GALNT17: variants seen among roughly 807,000 people sequenced by gnomAD.
GALNT17 encodes the protein polypeptide N-acetylgalactosaminyltransferase 17.
In GALNT17, 29 loss-of-function variants were observed where a neutral mutation model predicts 63.7. That is an observed-to-expected ratio of 0.46 (90% CI 0.34 to 0.62). The LOEUF is 0.62. GALNT17 is among the 20% of genes least tolerant of loss of function. GALNT17 has a pLI of 0.01. For missense variants in GALNT17, 603 were observed against 799.6 expected, an observed-to-expected ratio of 0.75 and a Z score of 2.97; for synonymous variants, 305 against 318.3, an observed-to-expected ratio of 0.96 and a Z score of 0.45.
At chr7:71,476,266 G>C (rs370439081) in intron 5 of GALNT17, among the ~76,000 whole-genome samples, 2 of 152,360 alleles carry the variant, frequency 1.3e-5, no homozygotes, top group South Asian at 4.1e-4. Context: ...CAAGATGTTA[G>C]CAGTGGAAGA....
chr7:71,475,278 A>T (rs1462258104), intron 5 of GALNT17, among the ~76,000 whole-genome samples: 1 of 152,140 alleles, frequency 6.6e-6, no homozygotes, highest in African/African-American at 2.4e-5. Context: ...CTTTGTTTTT[A>T]TTATTATTAC....
rs371371505 is a variant in GALNT17, at chr7:71,482,079, A to ATGTGTGTGTGTGTGTG, written c.962+60975_962+60976insGTGTGTGTGTGTGTGT. Among the ~76,000 whole-genome samples, 94 of 136,878 alleles carry ATGTGTGTGTGTGTGTG rather than the reference A, an allele frequency of 6.9e-4. 2 individuals are homozygous for ATGTGTGTGTGTGTGTG. The South Asian group carries it at 0.017, about 25-fold the overall frequency. The allele number at this position is 136,878 out of a possible 152,430, so 89.8% of individuals were successfully genotyped here. A position where few individuals can be genotyped will look rare whatever the true frequency, so the allele number is the denominator to read the frequency against. Reference sequence around the variant, plus strand: ...TTGATGTATAGGTATACATATATGTATATGTGTGTGTGTGTGTGTGTGTGT... The same window carrying ATGTGTGTGTGTGTGTG: ...TTGATGTATAGGTATACATATATGTATGTGTGTGTGTGTGTGTATGTGTGTGTGTGTGTGTGTGTGT... On this transcript the variant is annotated intron_variant, in intron 5 of 10. Transcript: ENST00000333538.
intron 5 of GALNT17, among the ~76,000 whole-genome samples, chr7:71,458,473 C>T (rs988593842): frequency 6.6e-6 from 1 of 152,162 alleles, no homozygotes; most frequent in African/African-American, 2.4e-5. Context: ...TGCATTTATA[C>T]GTTTGTACTC....
intron 6 of GALNT17, among the ~76,000 whole-genome samples, chr7:71,644,509 C>A: frequency 9.6e-6 from 1 of 104,242 alleles, no homozygotes; most frequent in South Asian, 3.6e-4. Flanking sequence ...AGCCTGGCGA[C>A]AGAGCGAGAC....
chr7:71,676,654 A>G (rs1015737872), intron 8 of GALNT17, among the ~76,000 whole-genome samples: 3 of 152,128 alleles, frequency 2.0e-5, no homozygotes, highest in Non-Finnish European at 4.4e-5. Flanking sequence ...TGCTGGGATT[A>G]CAGGCGTGAG....
At chr7:71,299,005 T>C (rs10261998) in intron 1 of GALNT17, among the ~76,000 whole-genome samples, 31,433 of 152,042 alleles carry the variant, frequency 0.21, 3,382 homozygotes, top group East Asian at 0.33. Context: ...TCACCACCCT[T>C]GCAACTGACT....
Position 71,458,865 on chromosome 7 carries a change from G to C in GALNT17, c.962+37760G>C, listed in dbSNP as rs141296163. On this transcript the variant is annotated intron_variant, in intron 5 of 10. Transcript: ENST00000333538. ...TGTTCGTCTGCTCCGGGAGCTGGGG[G>C]TTCGGGGTTTATATGGGTACAGGGT... Among the ~76,000 whole-genome samples, 751 of 152,174 alleles carry C rather than the reference G, an allele frequency of 4.9e-3. 4 individuals are homozygous for C. Among genetic ancestry groups the C allele is most frequent in the African/African-American group, 0.015 (641 of 41,510 alleles).
chr7:71,288,299 C>T (rs962062572), intron 1 of GALNT17, among the ~76,000 whole-genome samples: 2 of 150,646 alleles, frequency 1.3e-5, no homozygotes, highest in African/African-American at 4.9e-5. Context: ...TCATAAAGGT[C>T]TTCATCCTCA....
intron 1 of GALNT17, among the ~76,000 whole-genome samples, chr7:71,184,009 G>C (rs996574435): frequency 6.6e-6 from 1 of 152,258 alleles, no homozygotes; most frequent in South Asian, 2.1e-4. Flanking sequence ...CTAACCTCCA[G>C]CACCTCCCTC....
rs537456959 is a variant in GALNT17, at chr7:71,179,850, C to G, written c.238+46810C>G. On this transcript the variant is annotated intron_variant, in intron 1 of 10. Transcript: ENST00000333538. ...AAGGATACTCCTGTCTACTTTCTGC[C>G]TGCTTTTCATCACTCTCTGGACCCT... 4.6e-5 allele frequency among the ~76,000 whole-genome samples: 7 copies of G among 152,308 alleles called. No individual in the cohort carries two copies. The East Asian group carries it at 1.2e-3, about 25-fold the overall frequency.
At chr7:71,559,240 G>GTT (rs77722089) in intron 5 of GALNT17, among the ~76,000 whole-genome samples, 3,918 of 152,296 alleles carry the variant, frequency 0.026, 71 homozygotes, top group Middle Eastern at 0.085. Flanking sequence ...TAATGTGCCA[G>GTT]TTGAGAATTC....
Position 71,192,427 on chromosome 7 carries a change from A to G in GALNT17, c.238+59387A>G, listed in dbSNP as rs143868120. Among the ~76,000 whole-genome samples the G allele has an allele frequency of 3.6e-4, 53 of 147,318 alleles. No homozygotes were observed. The East Asian group carries it at 9.6e-3, about 27-fold the overall frequency. On this transcript the variant is annotated intron_variant, in intron 1 of 10. Transcript: ENST00000333538. ...TTTTTTTTTTTGGAGGTGGAGTCTTACTCTGTAACCCAGGCTAGAATGCAG... is the reference window on the plus strand; with the variant it reads ...TTTTTTTTTTTGGAGGTGGAGTCTTGCTCTGTAACCCAGGCTAGAATGCAG...
intron 5 of GALNT17, among the ~76,000 whole-genome samples, chr7:71,434,465 A>G (rs1179489157): frequency 6.6e-6 from 1 of 152,176 alleles, no homozygotes; most frequent in Non-Finnish European, 1.5e-5. Context: ...GGTCTAGCAA[A>G]GGAGAGTTCG....
intron 6 of GALNT17, among the ~76,000 whole-genome samples, chr7:71,652,495 G>A (rs1406221419): frequency 1.3e-5 from 2 of 152,172 alleles, no homozygotes; most frequent in African/African-American, 4.8e-5. Context: ...CCTATTTTCA[G>A]GAGTAGTAGC....
At chr7:71,555,166 C>T (rs575137916) in intron 5 of GALNT17, among the ~76,000 whole-genome samples, 2 of 152,174 alleles carry the variant, frequency 1.3e-5, no homozygotes, top group African/African-American at 4.8e-5. Context: ...GAGGGGTCTG[C>T]CCTCATGACC....
chr7:71,548,728 G>C (rs928960422), intron 5 of GALNT17, among the ~76,000 whole-genome samples: 9 of 152,156 alleles, frequency 5.9e-5, no homozygotes, highest in African/African-American at 2.2e-4. Context: ...TCAGTCTCAG[G>C]TATTTCTTCA....
Position 71,143,290 on chromosome 7 carries a change from C to T in GALNT17, c.238+10250C>T, listed in dbSNP as rs561977528. ...TACAAAAATTAGCCGGGTGTGGTGGCGGGCACCCGTCATCCCAGTTACTTG... is the reference window on the plus strand; with the variant it reads ...TACAAAAATTAGCCGGGTGTGGTGGTGGGCACCCGTCATCCCAGTTACTTG... On this transcript the variant is annotated intron_variant, in intron 1 of 10. Transcript: ENST00000333538. Among the ~76,000 whole-genome samples, 11 of 151,032 alleles carry T rather than the reference C, an allele frequency of 7.3e-5. No homozygotes were observed. The East Asian group carries it at 1.2e-3, about 16-fold the overall frequency.
At chr7:71,423,051 A>T (rs981584256) in intron 5 of GALNT17, among the ~76,000 whole-genome samples, 1 of 152,058 alleles carries the variant, frequency 6.6e-6, no homozygotes, top group African/African-American at 2.4e-5. Flanking sequence ...GTGTCTGTCC[A>T]TGTGTTCTGC....
intron 1 of GALNT17, among the ~76,000 whole-genome samples, chr7:71,183,886 A>G (rs1788782131): frequency 6.6e-6 from 1 of 151,736 alleles, no homozygotes. Context: ...GCAAGACTCC[A>G]TCTCAAAAAA....
Sources: allele counts gnomAD v4.1 joint callset (sites outside exome capture counted in the v4.1 genomes callset), GRCh38; gene constraint gnomAD v4.1.1; transcripts MANE v1.5; gene names NCBI Gene and HGNC (gene_info 2026-07-23, HGNC 2026-07-21).